MMS22L: variants seen among roughly 807,000 people sequenced by gnomAD.
MMS22L encodes the protein MMS22 like, DNA repair protein.
Under a neutral mutation model 159.1 loss-of-function variants are expected in MMS22L, and 74 were observed. The observed-to-expected ratio is 0.47, with a 90% CI of 0.39 to 0.56. MMS22L has a LOEUF of 0.56. Ranked by LOEUF, MMS22L falls within the 20% of genes least tolerant of loss-of-function variation. The pLI, the probability that MMS22L is intolerant of heterozygous loss-of-function variation, is 0.00. For missense variants in MMS22L, 1,351 were observed against 1,422.1 expected (o/e 0.95, Z 0.80); for synonymous variants, 517 against 506.9 (o/e 1.02, Z -0.27).
chr6:97,181,836 T>A, intron 16 of MMS22L, 68 bp downstream of exon 16: 2 of 1,503,604 alleles, frequency 1.3e-6, no homozygotes, highest in Non-Finnish European at 1.8e-6. Context: ...TGAAAATTCT[T>A]AGCTTCCTAG....
At position 97,198,297 on chromosome 6, in the gene MMS22L, G is replaced by T. The variant is rs1054954332; in HGVS notation, c.2040-11607C>A. Among the ~76,000 whole-genome samples, 5 of 152,126 alleles carry T rather than the reference G, an allele frequency of 3.3e-5. No individual in the cohort carries two copies. In the South Asian group the frequency reaches 1.0e-3, roughly 31 times the overall value. ...TGAAGAAGAAGCCATCTAGGAACTG[G>T]ATCCTCCAGCTTCAGCTGTTCTAGT... On this transcript the variant is annotated intron_variant, in intron 14 of 24. Coordinates refer to ENST00000683635, the MANE Select transcript of MMS22L (RefSeq NM_001350599.2).
intron 11 of MMS22L, among the ~76,000 whole-genome samples, chr6:97,242,811 ATACTT>A (rs1225465658): frequency 6.6e-6 from 1 of 152,204 alleles, no homozygotes; most frequent in African/African-American, 2.4e-5. Context: ...TGTCTGAAAA[ATACTT>A]TATATCTTTC....
In MMS22L at chr6:97,142,620, T is replaced by C. The variant is rs912349023; in HGVS notation, c.*4186A>G. On this transcript the variant is annotated 3_prime_UTR_variant, in exon 25 of 25. Transcript: ENST00000683635. ...ACAGATGATTCAACTTTTGGTGAGG[T>C]TTCTGTATCTATTTACCTTTTAGAC... 1.3e-5 allele frequency: 2 copies of C among 152,076 alleles called. No homozygotes were observed. Among genetic ancestry groups the C allele is most frequent in the Non-Finnish European group, 2.9e-5 (2 of 67,942 alleles). 9.4% of individuals were successfully genotyped at this position (152,076 alleles called of 1,614,324 possible). A position where few individuals can be genotyped will look rare whatever the true frequency, so the allele number is the denominator to read the frequency against.
At chr6:97,192,785 A>G (rs1806030964) in intron 14 of MMS22L, among the ~76,000 whole-genome samples, 1 of 152,228 alleles carries the variant, frequency 6.6e-6, no homozygotes, top group East Asian at 1.9e-4. Flanking sequence ...TAATGATAAT[A>G]TATGTACTAG....
In MMS22L at chr6:97,145,027, CACACA is replaced by C; in HGVS notation, c.*1774_*1778del. On this transcript the variant is annotated 3_prime_UTR_variant, in exon 25 of 25. Transcript: ENST00000683635. ...ATCTCCTTTGGAAAAAAAAAACCCA[CACACA>C]CACACACACACACACACACACACAC... 8.4e-6 allele frequency: 1 copy of C among 118,884 alleles called. No individual in the cohort carries two copies. The highest frequency in any genetic ancestry group is 2.1e-4 in the East Asian group (1 of 4,656). The allele number at this position is 118,884 out of a possible 1,614,324, so 7.4% of individuals were successfully genotyped here. A position where few individuals can be genotyped will look rare whatever the true frequency, so the allele number is the denominator to read the frequency against.
intron 22 of MMS22L, among the ~76,000 whole-genome samples, chr6:97,160,078 T>G (rs1314405269): frequency 6.6e-6 from 1 of 151,494 alleles, no homozygotes; most frequent in Non-Finnish European, 1.5e-5. Flanking sequence ...TATATTTCTA[T>G]AAGTTATAGG....
chr6:97,272,105 C>T (rs995703276), intron 6 of MMS22L: 1 of 152,150 alleles, frequency 6.6e-6, no homozygotes, highest in Non-Finnish European at 1.5e-5. Flanking sequence ...TTCATATAAG[C>T]TCCCATTTTC....
At chr6:97,168,815 T>A (rs376154797) in intron 19 of MMS22L, among the ~76,000 whole-genome samples, 3 of 152,110 alleles carry the variant, frequency 2.0e-5, no homozygotes, top group East Asian at 3.9e-4. Context: ...CCTTTCTGCT[T>A]TCCCTCTGAG....
At chr6:97,222,960 G>A (rs1809809991) in intron 14 of MMS22L, among the ~76,000 whole-genome samples, 1 of 152,102 alleles carries the variant, frequency 6.6e-6, no homozygotes, top group Admixed American at 6.5e-5. Flanking sequence ...TGTGATTCCA[G>A]AGAGGTAATG....
chr6:97,233,165 C>A (rs1401985731), intron 12 of MMS22L, among the ~76,000 whole-genome samples: 1 of 152,042 alleles, frequency 6.6e-6, no homozygotes, highest in Non-Finnish European at 1.5e-5. Context: ...TTATCTTCAA[C>A]CCTTCATAGC....
chr6:97,162,766 T>G (rs1241712328), intron 21 of MMS22L, among the ~76,000 whole-genome samples: 1 of 151,988 alleles, frequency 6.6e-6, no homozygotes, highest in Admixed American at 6.6e-5. Flanking sequence ...TCAAGAGCGA[T>G]CATAAGGATA....
chr6:97,263,436 C>A lies in MMS22L; in HGVS notation c.841G>T (p.Glu281Ter). Reference sequence around the variant, plus strand: ...GGACACTGGTCACTCATTAATGATTCAGAAGACCTAACCTATAGAAAATAA... The same window carrying A: ...GGACACTGGTCACTCATTAATGATTAAGAAGACCTAACCTATAGAAAATAA... ...LNRYDKVRSS[E>*]SLMSDQCPCL... Residue 281 changes from glutamate (E) to a stop codon, truncating the protein, a stop_gained, in exon 9 of 25, where the codon GAA becomes TAA. Coordinates refer to ENST00000683635, the MANE Select transcript of MMS22L (RefSeq NM_001350599.2). LOFTEE classifies it high-confidence loss of function. 2 of 1,561,354 alleles carry A rather than the reference C, an allele frequency of 1.3e-6. No individual in the cohort carries two copies. The highest frequency in any genetic ancestry group is 2.1e-5 in the Admixed American group (1 of 47,748).
At chr6:97,277,272 G>A (rs1816325032) in intron 4 of MMS22L, among the ~76,000 whole-genome samples, 1 of 152,054 alleles carries the variant, frequency 6.6e-6, no homozygotes. Flanking sequence ...AATTATCCAG[G>A]TGTGGTGGTG....
At chr6:97,272,654 T>C (rs764797124) in intron 6 of MMS22L, 50 bp downstream of exon 6, 2 of 1,488,058 alleles carry the variant, frequency 1.3e-6, no homozygotes, top group Non-Finnish European at 1.8e-6. Context: ...GAATACTCCT[T>C]GTGGGGAGAA....
chr6:97,222,937 T>C (rs534991792), intron 14 of MMS22L, among the ~76,000 whole-genome samples: 2 of 152,228 alleles, frequency 1.3e-5, no homozygotes, highest in Admixed American at 1.3e-4. Context: ...TAACAGCAAG[T>C]GAGAACTTAA....
At chr6:97,149,383 A>C (rs1462686843) in intron 24 of MMS22L, among the ~76,000 whole-genome samples, 3 of 152,156 alleles carry the variant, frequency 2.0e-5, no homozygotes, top group African/African-American at 7.2e-5. Flanking sequence ...AAAAAGTCTT[A>C]TTTCCTATTT....
intron 15 of MMS22L, 136 bp from the exon 16 acceptor site, chr6:97,182,190 T>A: frequency 1.4e-6 from 1 of 702,474 alleles, no homozygotes; most frequent in Non-Finnish European, 2.2e-6. Flanking sequence ...CTTAGAAATG[T>A]AGAGCAAACA....
At chr6:97,189,551 C>CAAAAAAAAAAAAAAAAAAAAAAAA (rs67620002) in intron 14 of MMS22L, among the ~76,000 whole-genome samples, 1 of 55,224 alleles carries the variant, frequency 1.8e-5, no homozygotes, top group East Asian at 9.0e-4. Context: ...ACTCTGTCTC[C>CAAAAAAAAAAAAAAAAAAAAAAAA]AAAAAAAAAA....
chr6:97,182,742 A>G (rs1804844951), intron 15 of MMS22L, among the ~76,000 whole-genome samples: 3 of 152,092 alleles, frequency 2.0e-5, no homozygotes, highest in African/African-American at 7.2e-5. Context: ...TGATCTACCA[A>G]CAGGGTGAGA....
Sources: allele counts gnomAD v4.1 joint callset (sites outside exome capture counted in the v4.1 genomes callset), GRCh38; gene constraint gnomAD v4.1.1; transcripts MANE v1.5; gene names NCBI Gene and HGNC (gene_info 2026-07-23, HGNC 2026-07-21).